The following MED23 variants were observed in gnomAD, a reference collection of about 807,000 sequenced individuals.
The protein encoded by MED23 is mediator of RNA polymerase II transcription subunit 23.
In MED23, 105 loss-of-function variants were observed where a neutral mutation model predicts 163.9. That is an observed-to-expected ratio of 0.64 (90% CI 0.55 to 0.75). The LOEUF (loss-of-function observed/expected upper bound fraction) is 0.75. MED23 is among the 30% of genes least tolerant of loss of function. The pLI is 0.00. For synonymous variants in MED23, 561 were observed against 565.6 expected, an observed-to-expected ratio of 0.99 and a Z score of 0.12; for missense variants, 1,054 against 1,649.0, an observed-to-expected ratio of 0.64 and a Z score of 6.25.
rs563663335 is a variant in MED23 at position 131,610,618 on chromosome 6, A to G, written c.877-372T>C. On this transcript the variant is annotated intron_variant, in intron 10 of 28. Coordinates refer to ENST00000368068, the MANE Select transcript of MED23 (RefSeq NM_004830.4). ...CAGGGATAGCAGTATTAATTTTGCA[A>G]TCTAAGTCAAAAGATGAAAACCCTG... Among the ~76,000 whole-genome samples, 20 of 152,350 alleles carry G rather than the reference A, an allele frequency of 1.3e-4. 1 individual carries two copies. In the East Asian group the frequency reaches 3.5e-3, roughly 26 times the overall value.
At chr6:131,583,586 T>C (rs995878658), downstream of MED23, 2 of 1,552,518 alleles carry the variant, frequency 1.3e-6, no homozygotes, top group African/African-American at 1.4e-5. Flanking sequence ...CAGCTGACAC[T>C]TTCAGAATGT....
chr6:131,614,554 T>A (rs1177617049), intron 10 of MED23, among the ~76,000 whole-genome samples: 1 of 152,176 alleles, frequency 6.6e-6, no homozygotes, highest in Non-Finnish European at 1.5e-5. Flanking sequence ...TTGGGACTGT[T>A]AAGAGTTTGA....
Position 131,606,574 on chromosome 6 carries a change from T to C in MED23, c.1272A>G (p.Ala424=). 1 of 1,613,372 alleles carries C rather than the reference T, an allele frequency of 6.2e-7. No individual in the cohort carries two copies. Among genetic ancestry groups the C allele is most frequent in the Non-Finnish European group, 8.5e-7 (1 of 1,179,422 alleles). ...INKPQSTHAF[A]MTCIWIHLNR... is the part of the protein sequence containing the mutation. ...TGAGATGAATCCAAATACAGGTCAT[T>C]GCAAAGGCATGGGTTGACTGGGGTT... Residue 424 remains alanine (A), a synonymous_variant, in exon 13 of 29, where the codon GCA becomes GCG. Coordinates refer to ENST00000368068, the MANE Select transcript of MED23 (RefSeq NM_004830.4).
intron 9 of MED23, among the ~76,000 whole-genome samples, chr6:131,616,300 A>G (rs1475544802): frequency 6.6e-6 from 1 of 152,162 alleles, no homozygotes; most frequent in Admixed American, 6.5e-5. Context: ...ACTTTCTACT[A>G]TCCTTTCCCT....
downstream of MED23, among the ~76,000 whole-genome samples, chr6:131,581,879 C>A (rs1486252180): frequency 6.6e-6 from 1 of 152,144 alleles, no homozygotes; most frequent in Non-Finnish European, 1.5e-5. Context: ...AAGCACCTAT[C>A]TAAATCATAA....
At chr6:131,610,457 T>C (rs1776200509) in intron 10 of MED23, among the ~76,000 whole-genome samples, 2 of 152,324 alleles carry the variant, frequency 1.3e-5, no homozygotes, top group African/African-American at 4.8e-5. Context: ...TCAGGTTTCC[T>C]ACAAAACAGA....
intron 10 of MED23, among the ~76,000 whole-genome samples, chr6:131,612,008 G>T (rs759791902): frequency 6.6e-6 from 1 of 152,030 alleles, no homozygotes; most frequent in Non-Finnish European, 1.5e-5. Flanking sequence ...AAAATAGTAC[G>T]ATTTTGACAA....
chr6:131,592,402 T>C lies in MED23; in HGVS notation c.3457A>G (p.Ile1153Val). Residue 1153 changes from isoleucine to valine, a missense_variant, in exon 25 of 29, where the codon ATC becomes GTC. Physicochemically the swap from Ile to Val is conservative, Grantham distance 29. Around this residue, in one of 11 missense-constraint regions of MED23, gnomAD observed 362 missense variants for 471.6 expected, o/e 0.77. Transcript: ENST00000368068. ...TATTAACTCACTGGTAGGGCAGTGA[T>C]GATCAAACCAATTGCATTCATCCAT... ...TAWMNAIGLIITALPEPYWIV... is the reference protein window; with the variant it reads ...TAWMNAIGLIVTALPEPYWIV... 3 of 1,613,968 alleles carry C rather than the reference T, an allele frequency of 1.9e-6. No homozygotes were observed. Among genetic ancestry groups the C allele is most frequent in the Non-Finnish European group, 2.5e-6 (3 of 1,179,874 alleles).
At chr6:131,602,881 A>C in intron 16 of MED23, 149 bp downstream of exon 16, 1 of 810,058 alleles carries the variant, frequency 1.2e-6, no homozygotes, top group East Asian at 2.7e-5. Context: ...CCTATACTGG[A>C]AACAAAATAC....
intron 30 of MED23, chr6:131,579,321 A>G (rs756616090): frequency 6.2e-7 from 1 of 1,609,644 alleles, no homozygotes; most frequent in Admixed American, 1.7e-5. Flanking sequence ...GGAATCTGGC[A>G]CAAAGGAAGT....
At position 131,593,069 on chromosome 6, in the gene MED23, A is replaced by C; in HGVS notation, c.3335T>G (p.Leu1112Arg). 6.2e-7 allele frequency: 1 copy of C among 1,614,200 alleles called. No individual in the cohort carries two copies. Among genetic ancestry groups the C allele is most frequent in the Admixed American group, 1.7e-5 (1 of 60,022 alleles). ...TTTGCCTGAAACTGCCAAGGCCATG[A>C]GCTCCACACAAGTAACATGGAGAGC... ...AHALHVTCVELMALAVSGKEV... is the reference protein window; with the variant it reads ...AHALHVTCVERMALAVSGKEV... Residue 1112 changes from leucine to arginine, a missense_variant, in exon 24 of 29, where the codon CTC becomes CGC. Transcript: ENST00000368068.
At chr6:131,611,094 T>C (rs1040647468) in intron 10 of MED23, among the ~76,000 whole-genome samples, 1 of 152,316 alleles carries the variant, frequency 6.6e-6, no homozygotes. Flanking sequence ...AAATATGTTA[T>C]ATGACTTAGT....
chr6:131,596,063 C>A lies in MED23; in HGVS notation c.2879G>T (p.Cys960Phe). Residue 960 changes from cysteine (C) to phenylalanine (F), a missense_variant, in exon 22 of 29, where the codon TGT (cysteine) becomes TTT (phenylalanine). By Grantham distance (205) the Cys-to-Phe change is radical. Transcript: ENST00000368068. ...PYLPIYFGNV[C>F]LRFLPVFDIV... ...ATCAAATACTGGAAGGAATCGAAGA[C>A]ACACATTCCCAAAATAGATGGGCAG... 6.2e-7 allele frequency: 1 copy of A among 1,614,036 alleles called. No individual in the cohort carries two copies. The highest frequency in any genetic ancestry group is 1.3e-5 in the African/African-American group (1 of 75,018).
chr6:131,625,112 G>T lies in MED23; in HGVS notation c.160-123C>A, dbSNP rs193252173. On this transcript the variant is annotated intron_variant, in intron 3 of 28. Transcript: ENST00000368068. ...AAATACTTCACTATGAGCATCTGTG[G>T]ATGAAAATAATTTTTAAAAAAAGCA... The T allele has an allele frequency of 3.6e-4, 397 of 1,102,670 alleles. 1 individual carries two copies. In the African/African-American group the frequency reaches 5.7e-3, roughly 16 times the overall value. The allele number at this position is 1,102,670 out of a possible 1,614,324, so 68.3% of individuals were successfully genotyped here.
chr6:131,582,808 CATCA>C (rs1249788177), downstream of MED23: 2 of 1,031,660 alleles, frequency 1.9e-6, no homozygotes, highest in Non-Finnish European at 3.1e-6. Context: ...GAAAATTAAA[CATCA>C]AGACACACAC....
Position 131,587,150 on chromosome 6 carries a change from T to A in MED23, c.*529A>T. ...TTTATAATAAAATTTCAAGTCATTTTAAAAAGAATATGAAGCCTTGTTTGC... is the reference window on the plus strand; with the variant it reads ...TTTATAATAAAATTTCAAGTCATTTAAAAAAGAATATGAAGCCTTGTTTGC... On this transcript the variant is annotated 3_prime_UTR_variant, in exon 29 of 29. Transcript: ENST00000368068. 4 of 1,214,840 alleles carry A rather than the reference T, an allele frequency of 3.3e-6. No homozygotes were observed. The highest frequency in any genetic ancestry group is 1.6e-5 in the African/African-American group (1 of 63,638). 75.3% of individuals were successfully genotyped at this position (1,214,840 alleles called of 1,614,324 possible). A position where few individuals can be genotyped will look rare whatever the true frequency, so the allele number is the denominator to read the frequency against.
At position 131,628,167 on chromosome 6, in the gene MED23, T is replaced by C; in HGVS notation, c.-118A>G. 1.7e-6 allele frequency: 2 copies of C among 1,195,832 alleles called. No individual in the cohort carries two copies. The highest frequency in any genetic ancestry group is 2.5e-6 in the Non-Finnish European group (2 of 812,730). 74.1% of individuals were successfully genotyped at this position (1,195,832 alleles called of 1,614,324 possible). ...TGGAGGAAACCGTAGCTCCTCGGCG[T>C]CGCTTCCTCCCCCAGCGCTTTACCT... On this transcript the variant is annotated 5_prime_UTR_variant, in exon 1 of 29. Coordinates refer to ENST00000368068, the MANE Select transcript of MED23 (RefSeq NM_004830.4).
downstream of MED23, chr6:131,583,627 G>A (rs1223004752): frequency 4.0e-6 from 6 of 1,515,198 alleles, no homozygotes; most frequent in Non-Finnish European, 5.4e-6. Context: ...TAACTAAAGT[G>A]TTTTCCATCG....
At chr6:131,574,145 C>T in exon 31 of MED23, 2 of 972,198 alleles carry the variant, frequency 2.1e-6, no homozygotes, top group Non-Finnish European at 3.3e-6. Context: ...CGCATCTGTG[C>T]TTAAAGAGGA....
Sources: allele counts gnomAD v4.1 joint callset (sites outside exome capture counted in the v4.1 genomes callset), GRCh38; gene constraint gnomAD v4.1.1; regional missense constraint gnomAD v4.1.1; transcripts MANE v1.5; gene names NCBI Gene and HGNC (gene_info 2026-07-23, HGNC 2026-07-21).